The following SDCBP variants were observed in gnomAD, a reference collection of about 807,000 sequenced individuals.
The protein encoded by SDCBP is syntenin-1.
In SDCBP, 22 loss-of-function variants were observed where a neutral mutation model predicts 30.5. The ratio of observed to expected loss-of-function variants is 0.72; its 90% CI spans 0.52 to 1.03. The LOEUF is 1.03. SDCBP is among the 50% of genes least tolerant of loss of function. SDCBP has a pLI of 0.00. For missense variants in SDCBP, 304 were observed against 369.9 expected, an observed-to-expected ratio of 0.82 and a Z score of 1.46; for synonymous variants, 103 against 118.7, an observed-to-expected ratio of 0.87 and a Z score of 0.86.
At chr8:58,580,870 A>G (rs80286529) in intron 8 of SDCBP, among the ~76,000 whole-genome samples, 2,099 of 152,316 alleles carry the variant, frequency 0.014, 58 homozygotes, top group African/African-American at 0.049. Context: ...AGAAGTGGGC[A>G]TGCTTTCAGC....
Position 58,581,874 on chromosome 8 carries a change from G to A in SDCBP, c.*134G>A. ...GAGGACCTTTCTATCTTACATTATG[G>A]CTGGGAATCTTACTCTTTCATCTGA... On this transcript the variant is annotated 3_prime_UTR_variant, in exon 9 of 9. Transcript: ENST00000260130. The A allele has an allele frequency of 2.9e-6, 2 of 689,968 alleles. No homozygotes were observed. The highest frequency in any genetic ancestry group is 1.7e-5 in the South Asian group (1 of 59,426). 42.7% of individuals were successfully genotyped at this position (689,968 alleles called of 1,614,324 possible).
At chr8:58,555,738 T>C (rs115177988) in intron 1 of SDCBP, among the ~76,000 whole-genome samples, 2,581 of 151,992 alleles carry the variant, frequency 0.017, 33 homozygotes, top group African/African-American at 0.036. Flanking sequence ...GACACTTTAT[T>C]TTTTCATTTT....
intron 6 of SDCBP, among the ~76,000 whole-genome samples, chr8:58,579,005 A>C (rs879483485): frequency 1.2e-4 from 18 of 152,234 alleles, no homozygotes; most frequent in Non-Finnish European, 2.4e-4. Flanking sequence ...ACATGATAAC[A>C]GAGTTTATAG....
chr8:58,581,893 C>G lies in SDCBP; in HGVS notation c.*153C>G. 1.6e-6 allele frequency: 1 copy of G among 631,602 alleles called. No individual in the cohort carries two copies. The highest frequency in any genetic ancestry group is 2.8e-5 in the East Asian group (1 of 36,180). The allele number at this position is 631,602 out of a possible 1,614,324, so 39.1% of individuals were successfully genotyped here. A position where few individuals can be genotyped will look rare whatever the true frequency, so the allele number is the denominator to read the frequency against. ...ATTATGGCTGGGAATCTTACTCTTT[C>G]ATCTGATACCTTGTTCAGATTTCAA... On this transcript the variant is annotated 3_prime_UTR_variant, in exon 9 of 9. Transcript: ENST00000260130.
chr8:58,556,252 G>C (rs891874245), intron 1 of SDCBP, among the ~76,000 whole-genome samples: 19 of 152,164 alleles, frequency 1.2e-4, no homozygotes, highest in African/African-American at 4.3e-4. Flanking sequence ...ATATCACGAG[G>C]AGCGTTTAAC....
intron 1 of SDCBP, among the ~76,000 whole-genome samples, chr8:58,558,378 C>G (rs1804265514): frequency 6.6e-6 from 1 of 152,100 alleles, no homozygotes; most frequent in African/African-American, 2.4e-5. Context: ...ACCTCCTTTG[C>G]TCAAGTGGTC....
At chr8:58,553,614 G>T (rs886445734) in intron 1 of SDCBP, among the ~76,000 whole-genome samples, 2 of 152,206 alleles carry the variant, frequency 1.3e-5, no homozygotes, top group African/African-American at 2.4e-5. Flanking sequence ...GGCCCGGCTG[G>T]GTGAACGCCT....
intron 4 of SDCBP, 106 bp downstream of exon 4, chr8:58,572,420 C>T (rs1232003576): frequency 8.9e-6 from 6 of 674,778 alleles, no homozygotes; most frequent in Non-Finnish European, 1.5e-5. Flanking sequence ...TAGCATTGAA[C>T]CTCACTTCTC....
Position 58,581,951 on chromosome 8 carries a change from G to A in SDCBP, c.*211G>A. 3 of 516,386 alleles carry A rather than the reference G, an allele frequency of 5.8e-6. No individual in the cohort carries two copies. Among genetic ancestry groups the A allele is most frequent in the Non-Finnish European group, 1.0e-5 (3 of 289,238 alleles). The allele number at this position is 516,386 out of a possible 1,614,324, so 32.0% of individuals were successfully genotyped here. On this transcript the variant is annotated 3_prime_UTR_variant, in exon 9 of 9. Transcript: ENST00000260130. Reference sequence around the variant, plus strand: ...GTAGCCTTATCCTGGTTTTACAGATGTGAAACTTTCAAGAGATTTACTGAC... The same window carrying A: ...GTAGCCTTATCCTGGTTTTACAGATATGAAACTTTCAAGAGATTTACTGAC...
intron 1 of SDCBP, among the ~76,000 whole-genome samples, chr8:58,557,172 TTATAA>T (rs971452393): frequency 1.6e-3 from 208 of 126,662 alleles, no homozygotes; most frequent in African/African-American, 6.2e-3. Flanking sequence ...ATAATGTATA[TTATAA>T]TATAATATAG....
intron 6 of SDCBP, among the ~76,000 whole-genome samples, chr8:58,579,051 G>T (rs756558576): frequency 6.6e-6 from 1 of 152,210 alleles, no homozygotes; most frequent in Non-Finnish European, 1.5e-5. Flanking sequence ...AACAACTCTA[G>T]AGGGACAGCT....
At chr8:58,576,972 A>G (rs779646798) in intron 5 of SDCBP, among the ~76,000 whole-genome samples, 2 of 152,188 alleles carry the variant, frequency 1.3e-5, no homozygotes, top group African/African-American at 4.8e-5. Flanking sequence ...ATGTCACTCA[A>G]AATACATCTG....
intron 1 of SDCBP, among the ~76,000 whole-genome samples, chr8:58,559,700 A>T (rs113288235): frequency 0.024 from 3,681 of 152,322 alleles, 145 homozygotes; most frequent in African/African-American, 0.084. Flanking sequence ...AAGGTGCAAT[A>T]GAAAGCTCAT....
chr8:58,576,497 C>T (rs1417041306), intron 5 of SDCBP: 1 of 152,658 alleles, frequency 6.6e-6, no homozygotes, highest in Non-Finnish European at 1.5e-5. Flanking sequence ...TCACTGCAAC[C>T]TCTGCCTCCC....
At chr8:58,561,790 A>G (rs1804454486) in intron 1 of SDCBP, 2 of 691,110 alleles carry the variant, frequency 2.9e-6, no homozygotes, top group African/African-American at 1.8e-5. Context: ...TATTATTGTA[A>G]TGGTGGTGAG....
At chr8:58,575,645 G>A (rs1161040862) in intron 4 of SDCBP, among the ~76,000 whole-genome samples, 1 of 152,182 alleles carries the variant, frequency 6.6e-6, no homozygotes, top group Non-Finnish European at 1.5e-5. Flanking sequence ...GTATACCGGT[G>A]AAACAAATGC....
rs1288441135 is a variant in SDCBP, at chr8:58,570,599, ATTAAT to A, written c.52-284_52-280del. On this transcript the variant is annotated intron_variant, in intron 2 of 8. Coordinates refer to ENST00000260130, the MANE Select transcript of SDCBP (RefSeq NM_005625.4). ...TCATTTTAGAATGCACTTTGAAAAT[ATTAAT>A]TTATTGTGGCAGCACTATGAAGTGC... The A allele has an allele frequency of 9.9e-5, 24 of 243,368 alleles. 1 individual carries two copies. The highest frequency in any genetic ancestry group is 1.9e-4 in the Non-Finnish European group (24 of 128,870). The allele number at this position is 243,368 out of a possible 1,614,324, so 15.1% of individuals were successfully genotyped here.
chr8:58,581,344 G>T (rs1805670832), intron 8 of SDCBP, among the ~76,000 whole-genome samples: 1 of 152,088 alleles, frequency 6.6e-6, no homozygotes, highest in Non-Finnish European at 1.5e-5. Flanking sequence ...TTTTTCTAGG[G>T]TTCTCTTTTC....
Position 58,570,921 on chromosome 8 carries a change from CA to C in SDCBP, c.87del (p.Ala30GlnfsTer30), listed in dbSNP as rs981883634. On this transcript the variant is annotated frameshift_variant, in exon 3 of 9. Transcript: ENST00000260130. LOFTEE classifies it high-confidence loss of function. The part of the protein sequence containing the change: ...QTAFSANPAN[P>X]AILSEASAPI... Reference sequence around the variant, plus strand: ...GCTTTTTCTGCAAACCCTGCCAATCCAGCAATTTTGTCAGAAGCTTCTGCTC... The same window carrying C: ...GCTTTTTCTGCAAACCCTGCCAATCCGCAATTTTGTCAGAAGCTTCTGCTC... The C allele has an allele frequency of 6.2e-7, 1 of 1,613,304 alleles. No individual in the cohort carries two copies. Among genetic ancestry groups the C allele is most frequent in the South Asian group, 1.1e-5 (1 of 91,026 alleles).
Sources: gnomAD v4.1 joint callset for allele counts (sites outside exome capture counted in the v4.1 genomes callset) on GRCh38, gnomAD v4.1.1 for gene constraint, MANE v1.5 for transcripts, NCBI Gene and HGNC (gene_info 2026-07-23, HGNC 2026-07-21) for gene names.